The following FCRL5 variants were observed in gnomAD, a reference collection of about 807,000 sequenced individuals.
The protein encoded by FCRL5 is Fc receptor like 5.
In FCRL5, 79 loss-of-function variants were observed where a neutral mutation model predicts 92.1. That is an observed-to-expected ratio of 0.86 (90% CI 0.72 to 1.03). The LOEUF is 1.03. Among genes scored for constraint, FCRL5 ranks in the 50% least tolerant of loss-of-function variants. FCRL5 has a pLI of 0.00. For synonymous variants in FCRL5, 466 were observed against 469.3 expected (o/e 0.99, Z 0.09); for missense variants, 1,160 against 1,181.1 (o/e 0.98, Z 0.26).
chr1:157,519,692 C>A, intron 13 of FCRL5, 51 bp downstream of exon 13: 3 of 1,596,262 alleles, frequency 1.9e-6, no homozygotes, highest in Non-Finnish European at 2.6e-6. Flanking sequence ...TTCCATTTTT[C>A]CACCCTGTGG....
At chr1:157,516,878 T>A (rs1181714317) in intron 15 of FCRL5, among the ~76,000 whole-genome samples, 1 of 152,208 alleles carries the variant, frequency 6.6e-6, no homozygotes, top group East Asian at 1.9e-4. Context: ...TATGCCTTGG[T>A]TTCCTCATCT....
Position 157,548,547 on chromosome 1 carries a change from C to A in FCRL5, c.52+1013G>T, listed in dbSNP as rs1335593117. Among the ~76,000 whole-genome samples the A allele has an allele frequency of 3.9e-5, 6 of 152,142 alleles. 1 individual carries two copies. The highest frequency in any genetic ancestry group is 3.9e-4 in the Admixed American group (6 of 15,282). On this transcript the variant is annotated intron_variant, in intron 2 of 16. Transcript: ENST00000361835. The stretch of plus-strand genomic sequence containing the variant: ...TGCAATCTACTCATTTGACAAAGGG[C>A]TAATATCCAGAATCTACAATGAACT...
At chr1:157,524,875 G>A (rs1176131400) in intron 9 of FCRL5, among the ~76,000 whole-genome samples, 1 of 152,214 alleles carries the variant, frequency 6.6e-6, no homozygotes, top group Non-Finnish European at 1.5e-5. Flanking sequence ...TGAAGAACAG[G>A]AGAGACTTGC....
At chr1:157,525,965 G>A (rs183401571) in intron 9 of FCRL5, among the ~76,000 whole-genome samples, 1 of 152,284 alleles carries the variant, frequency 6.6e-6, no homozygotes, top group East Asian at 1.9e-4. Flanking sequence ...TTTAGAGATA[G>A]AAGTTTAGGA....
Position 157,515,283 on chromosome 1 carries a change from C to A in FCRL5, c.*392G>T. The A allele has an allele frequency of 3.4e-6, 1 of 297,184 alleles. No individual in the cohort carries two copies. The highest frequency in any genetic ancestry group is 3.9e-5 in the South Asian group (1 of 25,848). 18.4% of individuals were successfully genotyped at this position (297,184 alleles called of 1,614,324 possible). ...GGAACTCTGTGTCGGAGTTTAGGAG[C>A]ACCTGAGCTGTTAGGCCAGCCCGGC... On this transcript the variant is annotated 3_prime_UTR_variant, in exon 17 of 17. Transcript: ENST00000361835.
rs1167527658 is a variant in FCRL5, at chr1:157,514,918, G to GCACCTC, written c.*751_*756dup. On this transcript the variant is annotated 3_prime_UTR_variant, in exon 17 of 17. Coordinates refer to ENST00000361835, the MANE Select transcript of FCRL5 (RefSeq NM_031281.3). ...AGTCAGTCAGTCAAATAGTAATTGA[G>GCACCTC]CACCTCCTGTGTTCCAGTATGTGTT... 1 of 152,346 alleles carries GCACCTC rather than the reference G, an allele frequency of 6.6e-6. No individual in the cohort carries two copies. Among genetic ancestry groups the GCACCTC allele is most frequent in the African/African-American group, 2.4e-5 (1 of 41,434 alleles). 9.4% of individuals were successfully genotyped at this position (152,346 alleles called of 1,614,324 possible).
chr1:157,521,025 T>C lies in FCRL5; in HGVS notation c.2507A>G (p.Tyr836Cys). 1 of 1,605,472 alleles carries C rather than the reference T, an allele frequency of 6.2e-7. No individual in the cohort carries two copies. The highest frequency in any genetic ancestry group is 8.5e-7 in the Non-Finnish European group (1 of 1,176,496). Residue 836 changes from tyrosine (Y) to cysteine (C), a missense_variant, in exon 11 of 17, where the codon TAT becomes TGT. Coordinates refer to ENST00000361835, the MANE Select transcript of FCRL5 (RefSeq NM_031281.3). Reference sequence around the variant, plus strand: ...GGGCACGGGAAACTTACCTGTGATATAAAGTGTCACTGTCTCACTGCGCTG... The same window carrying C: ...GGGCACGGGAAACTTACCTGTGATACAAAGTGTCACTGTCTCACTGCGCTG... ...GAQRSETVTL[Y>C]ITGLTANRSG...
chr1:157,548,061 G>C (rs1013125184), intron 2 of FCRL5, among the ~76,000 whole-genome samples: 4 of 152,246 alleles, frequency 2.6e-5, no homozygotes, highest in Non-Finnish European at 4.4e-5. Flanking sequence ...CGCTGATTGA[G>C]AGGATCCTAT....
At chr1:157,528,349 T>C (rs1361882247) in intron 8 of FCRL5, 2 of 152,626 alleles carry the variant, frequency 1.3e-5, no homozygotes, top group African/African-American at 4.8e-5. Flanking sequence ...CCCATTCTCA[T>C]GGATGGGTAG....
At chr1:157,518,532 G>T (rs1325860206) in intron 14 of FCRL5, 35 bp from the exon 15 acceptor site, 3 of 1,577,004 alleles carry the variant, frequency 1.9e-6, no homozygotes, top group South Asian at 1.1e-5. Flanking sequence ...AGGATGCTGA[G>T]GTTCTTGCCT....
chr1:157,520,990 T>C (rs1650159181), intron 11 of FCRL5, 27 bp downstream of exon 11: 2 of 1,577,662 alleles, frequency 1.3e-6, no homozygotes, highest in Non-Finnish European at 1.7e-6. Context: ...TTTGTCCGCA[T>C]CTGTGGCCCG....
rs552155900 is a variant in FCRL5, at chr1:157,545,718, C to T, written c.308-636G>A. 1.1e-4 allele frequency among the ~76,000 whole-genome samples: 16 copies of T among 151,936 alleles called. No individual in the cohort carries two copies. In the South Asian group the frequency reaches 1.7e-3, roughly 16 times the overall value. On this transcript the variant is annotated intron_variant, in intron 3 of 16. Transcript: ENST00000361835. ...TAATTTTTTGTATTTTTAGTAGAGA[C>T]GGGGTTTCATAGTGTTAGCCAGGAT...
intron 10 of FCRL5, among the ~76,000 whole-genome samples, chr1:157,523,299 C>T (rs1650280554): frequency 6.6e-6 from 1 of 152,224 alleles, no homozygotes; most frequent in Non-Finnish European, 1.5e-5. Context: ...CCTGCTTTTA[C>T]TTTTGCATAT....
chr1:157,536,529 T>TG (rs1251516577), intron 7 of FCRL5, among the ~76,000 whole-genome samples: 11 of 152,312 alleles, frequency 7.2e-5, no homozygotes, highest in African/African-American at 2.6e-4. Flanking sequence ...ACTGCTGGAG[T>TG]GGTTTTCCCC....
At chr1:157,524,219 G>T (rs1327531160) in intron 10 of FCRL5, 60 bp downstream of exon 10, 4 of 1,580,292 alleles carry the variant, frequency 2.5e-6, no homozygotes, top group East Asian at 4.5e-5. Context: ...ATTTTCAGCT[G>T]CAGGGAGAAC....
rs1235845624 is a variant in FCRL5, at chr1:157,544,921, A to T, written c.469T>A (p.Cys157Ser). ...KRTDFHIPHACLKDNGAYRCT... is the reference protein window; with the variant it reads ...KRTDFHIPHASLKDNGAYRCT... ...CGATATGCACCATTGTCCTTGAGACATGCATGAGGAATATGGAAGTCAGTT... is the reference window on the plus strand; with the variant it reads ...CGATATGCACCATTGTCCTTGAGACTTGCATGAGGAATATGGAAGTCAGTT... The change falls in exon 4 of 17, where the codon TGT (cysteine) becomes AGT (serine). Residue 157 changes from cysteine (C) to serine (S), a missense_variant. Transcript: ENST00000361835. The T allele has an allele frequency of 6.2e-7, 1 of 1,614,192 alleles. No homozygotes were observed. The highest frequency in any genetic ancestry group is 8.5e-7 in the Non-Finnish European group (1 of 1,179,976).
rs1016011252 is a variant in FCRL5, at chr1:157,544,633, A to C, written c.560-87T>G. 6.5e-5 allele frequency: 98 copies of C among 1,510,978 alleles called. 1 individual carries two copies. The highest frequency in any genetic ancestry group is 8.8e-5 in the Non-Finnish European group (97 of 1,104,578). The allele number at this position is 1,510,978 out of a possible 1,614,324, so 93.6% of individuals were successfully genotyped here. A position where few individuals can be genotyped will look rare whatever the true frequency, so the allele number is the denominator to read the frequency against. On this transcript the variant is annotated intron_variant, in intron 4 of 16. Transcript: ENST00000361835. Reference sequence around the variant, plus strand: ...ACACTTCAAGCAGCAGCACATCCAAAAGCAGGCAAAGAAAGGAATGCCATT... The same window carrying C: ...ACACTTCAAGCAGCAGCACATCCAACAGCAGGCAAAGAAAGGAATGCCATT...
chr1:157,551,273 T>A (rs888124513), intron 1 of FCRL5, among the ~76,000 whole-genome samples: 2 of 152,194 alleles, frequency 1.3e-5, no homozygotes. Flanking sequence ...TGCCCTCTCA[T>A]GCTCAGGACC....
chr1:157,519,751 G>A lies in FCRL5; in HGVS notation c.2652C>T (p.Asp884=), dbSNP rs1336598585. 6.2e-7 allele frequency: 1 copy of A among 1,613,978 alleles called. No individual in the cohort carries two copies. Among genetic ancestry groups the A allele is most frequent in the African/African-American group, 1.3e-5 (1 of 74,920 alleles). Residue 884 remains aspartate, a synonymous_variant, in exon 13 of 17, where the codon GAC becomes GAT. Transcript: ENST00000361835. ...SRKAGRKPAS[D]PARSPSDSDS... Reference sequence around the variant, plus strand: ...TGCAGCTCAGCTCTTACCTGGCGGGGTCAGAGGCAGGCTTTCTCCCTGTAA... The same window carrying A: ...TGCAGCTCAGCTCTTACCTGGCGGGATCAGAGGCAGGCTTTCTCCCTGTAA...
Sources: allele counts gnomAD v4.1 joint callset (sites outside exome capture counted in the v4.1 genomes callset), GRCh38; gene constraint gnomAD v4.1.1; transcripts MANE v1.5; gene names NCBI Gene and HGNC (gene_info 2026-07-23, HGNC 2026-07-21).